The following TRPM8 variants were observed in gnomAD, a reference collection of about 807,000 sequenced individuals.
TRPM8 encodes transient receptor potential cation channel subfamily M member 8, also known as TRPM8 cationic channel.
A neutral mutation model predicts 133.7 loss-of-function variants in TRPM8; 110 were observed. The ratio of observed to expected loss-of-function variants is 0.82; its 90% CI spans 0.70 to 0.96. The LOEUF (loss-of-function observed/expected upper bound fraction) is 0.96. TRPM8 is among the 40% of genes least tolerant of loss of function. The pLI is 0.00. For synonymous variants in TRPM8, 535 were observed against 532.3 expected (o/e 1.01, Z -0.07); for missense variants, 1,291 against 1,379.5 (o/e 0.94, Z 1.02).
intron 10 of TRPM8, among the ~76,000 whole-genome samples, chr2:233,954,415 T>C (rs1434095301): frequency 6.6e-6 from 1 of 152,232 alleles, no homozygotes; most frequent in Admixed American, 6.5e-5. Context: ...TAAGTAACTT[T>C]GCATTTAATT....
At chr2:233,929,134 A>T (rs1447123958) in intron 2 of TRPM8, among the ~76,000 whole-genome samples, 1 of 151,730 alleles carries the variant, frequency 6.6e-6, no homozygotes, top group Admixed American at 6.6e-5. Flanking sequence ...GGGGGATGGT[A>T]TGTGGATTTC....
At position 234,009,110 on chromosome 2, in the gene TRPM8, G is replaced by A. The variant is rs182171588; in HGVS notation, c.3264+1007G>A. Among the ~76,000 whole-genome samples, 37 of 152,202 alleles carry A rather than the reference G, an allele frequency of 2.4e-4. 1 individual carries two copies. In the South Asian group the frequency reaches 3.5e-3, roughly 14 times the overall value. On this transcript the variant is annotated intron_variant, in intron 24 of 25. Transcript: ENST00000324695. The stretch of plus-strand genomic sequence containing the variant: ...TTACAGAGCTGGATTTTATTCCCAT[G>A]CAAGGGAAGGCTCGGGGAGTTTTAA...
Position 233,960,960 on chromosome 2 carries a change from A to G in TRPM8, c.1547A>G (p.Tyr516Cys), listed in dbSNP as rs1392111714. Reference sequence around the variant, plus strand: ...AATCTGCAGATCGCCAAGAATTCCTATAATGATGCCCTCCTCACGTTTGTC... The same window carrying G: ...AATCTGCAGATCGCCAAGAATTCCTGTAATGATGCCCTCCTCACGTTTGTC... ...YRNLQIAKNS[Y>C]NDALLTFVWK... The change falls in exon 12 of 26, where the codon TAT becomes TGT. Residue 516 changes from tyrosine to cysteine, a missense_variant. Tyr to Cys is a radical substitution (Grantham distance 194). Coordinates refer to ENST00000324695, the MANE Select transcript of TRPM8 (RefSeq NM_024080.5). The G allele has an allele frequency of 5.0e-6, 8 of 1,614,176 alleles. No homozygotes were observed. Among genetic ancestry groups the G allele is most frequent in the Middle Eastern group, 1.6e-4 (1 of 6,062 alleles).
intron 22 of TRPM8, among the ~76,000 whole-genome samples, chr2:234,005,789 T>C (rs1692677731): frequency 6.6e-6 from 1 of 152,038 alleles, no homozygotes; most frequent in Admixed American, 6.6e-5. Context: ...TATGCGCTTG[T>C]AGTCCCAGCT....
At chr2:233,941,029 G>A (rs1427529228) in intron 5 of TRPM8, among the ~76,000 whole-genome samples, 3 of 152,176 alleles carry the variant, frequency 2.0e-5, no homozygotes, top group Admixed American at 6.5e-5. Context: ...CTCTGACCTC[G>A]AAAGGTCATC....
chr2:233,970,954 G>T (rs144843164), intron 17 of TRPM8, among the ~76,000 whole-genome samples: 9 of 152,234 alleles, frequency 5.9e-5, no homozygotes, highest in African/African-American at 2.2e-4. Context: ...TCTCTCTACC[G>T]TTGAACCCAG....
chr2:233,961,224 T>G (rs1372959677), intron 12 of TRPM8, among the ~76,000 whole-genome samples, 158 bp downstream of exon 12: 1 of 152,176 alleles, frequency 6.6e-6, no homozygotes, highest in African/African-American at 2.4e-5. Flanking sequence ...AGATAAGGTG[T>G]CTGTCTATAG....
intron 5 of TRPM8, among the ~76,000 whole-genome samples, chr2:233,942,073 T>G (rs28946910): frequency 0.042 from 4,328 of 102,536 alleles, 291 homozygotes; most frequent in African/African-American, 0.21. Context: ...TCAAGAATCT[T>G]TTTTTTTTTT....
chr2:233,934,386 G>A (rs921243049), intron 3 of TRPM8, among the ~76,000 whole-genome samples: 1 of 152,220 alleles, frequency 6.6e-6, no homozygotes, highest in Non-Finnish European at 1.5e-5. Context: ...AAATTCTTAA[G>A]AAAGGGATGC....
rs773695007 is a variant in TRPM8 at position 233,942,717 on chromosome 2, G to A, written c.668G>A (p.Arg223Gln). The A allele has an allele frequency of 6.2e-6, 10 of 1,614,008 alleles. No homozygotes were observed. The highest frequency in any genetic ancestry group is 4.5e-5 in the East Asian group (2 of 44,886). ...GCAGCTTGGGGCATGGTCTCCAACC[G>A]GGACACCCTCATCAGGAATTGCGAT... ...GIAAWGMVSNRDTLIRNCDAE... is the reference protein window; with the variant it reads ...GIAAWGMVSNQDTLIRNCDAE... The change falls in exon 6 of 26, where the codon CGG (arginine) becomes CAG (glutamine). Residue 223 changes from arginine to glutamine, a missense_variant. Coordinates refer to ENST00000324695, the MANE Select transcript of TRPM8 (RefSeq NM_024080.5).
At chr2:233,930,621 G>A in intron 2 of TRPM8, 47 bp from the exon 3 acceptor site, 2 of 1,310,714 alleles carry the variant, frequency 1.5e-6, no homozygotes, top group Middle Eastern at 3.7e-4. Flanking sequence ...ATCAGCAAGG[G>A]GTGAGAATAA....
chr2:233,948,439 C>A (rs1400222204), intron 8 of TRPM8, among the ~76,000 whole-genome samples: 1 of 152,070 alleles, frequency 6.6e-6, no homozygotes, highest in Non-Finnish European at 1.5e-5. Context: ...CCAAGGTGAT[C>A]GCCAAAAATT....
intron 24 of TRPM8, among the ~76,000 whole-genome samples, chr2:234,012,154 GTTT>G (rs34984521): frequency 0.041 from 5,827 of 140,504 alleles, 154 homozygotes; most frequent in South Asian, 0.077. Context: ...AGTTCTAACA[GTTT>G]TTTTTTTTTT....
At chr2:233,982,124 T>C (rs575923155) in intron 19 of TRPM8, among the ~76,000 whole-genome samples, 1 of 152,358 alleles carries the variant, frequency 6.6e-6, no homozygotes, top group East Asian at 1.9e-4. Flanking sequence ...ATTTAGTGCA[T>C]TGTTAACAAA....
rs993662172 is a variant in TRPM8 at position 233,955,196 on chromosome 2, G to A, written c.1308G>A (p.Trp436Ter). The change falls in exon 11 of 26, where the codon TGG (tryptophan) becomes TGA (stop). Residue 436 changes from tryptophan (W) to a stop codon, truncating the protein, a stop_gained. Coordinates refer to ENST00000324695, the MANE Select transcript of TRPM8 (RefSeq NM_024080.5). LOFTEE classifies it high-confidence loss of function. ...WNGQLKLLLE[W>*]NQLDLANDEI... ...GGCAGCTGAAGCTTCTGCTGGAGTG[G>A]AACCAGCTGGACTTAGCCAATGATG... 6.2e-7 allele frequency: 1 copy of A among 1,614,144 alleles called. No homozygotes were observed. Among genetic ancestry groups the A allele is most frequent in the Non-Finnish European group, 8.5e-7 (1 of 1,180,002 alleles).
chr2:233,922,899 C>T (rs1005102080), intron 1 of TRPM8, among the ~76,000 whole-genome samples: 3 of 152,094 alleles, frequency 2.0e-5, no homozygotes, highest in East Asian at 1.9e-4. Flanking sequence ...AACAGAGTCT[C>T]GCTCTGTCAC....
chr2:233,974,419 A>C (rs551873442), intron 17 of TRPM8, among the ~76,000 whole-genome samples: 1 of 152,180 alleles, frequency 6.6e-6, no homozygotes, highest in East Asian at 1.9e-4. Context: ...TTTTTAGTAG[A>C]GACGGGGTTT....
chr2:233,977,001 G>GA (rs1221090983), intron 17 of TRPM8, among the ~76,000 whole-genome samples: 1 of 152,070 alleles, frequency 6.6e-6, no homozygotes, highest in Admixed American at 6.5e-5. Flanking sequence ...GGGAAAAAAA[G>GA]AAAAAAGAAC....
At position 233,926,685 on chromosome 2, in the gene TRPM8, T is replaced by C. The variant is rs778281851; in HGVS notation, c.117+31T>C. On this transcript the variant is annotated intron_variant, in intron 2 of 25. Transcript: ENST00000324695. The stretch of plus-strand genomic sequence containing the variant: ...TCATGCGCATCACCTGTTTGAAAGG[T>C]TATCATTGTAACCTTCGTAAGCCGT... 1.9e-6 allele frequency: 3 copies of C among 1,549,348 alleles called. No homozygotes were observed. In the South Asian group the frequency reaches 3.3e-5, roughly 17 times the overall value.
Sources: gnomAD v4.1 joint callset for allele counts (sites outside exome capture counted in the v4.1 genomes callset) on GRCh38, gnomAD v4.1.1 for gene constraint, MANE v1.5 for transcripts, NCBI Gene and HGNC (gene_info 2026-07-23, HGNC 2026-07-21) for gene names.